SLCO3A1: variants seen among roughly 807,000 people sequenced by gnomAD.
The protein encoded by SLCO3A1 is PGE1 transporter.
In SLCO3A1, 27 loss-of-function variants were observed where a neutral mutation model predicts 63.1. The ratio of observed to expected loss-of-function variants is 0.43; its 90% CI spans 0.32 to 0.59. SLCO3A1 has a LOEUF of 0.59. Ranked by LOEUF, SLCO3A1 falls within the 20% of genes least tolerant of loss-of-function variation. SLCO3A1 has a pLI of 0.09. For synonymous variants in SLCO3A1, 473 were observed against 409.9 expected, an observed-to-expected ratio of 1.15 and a Z score of -1.86; for missense variants, 773 against 945.8, an observed-to-expected ratio of 0.82 and a Z score of 2.40.
At chr15:91,880,973 G>A (rs1162365793) in intron 1 of SLCO3A1, among the ~76,000 whole-genome samples, 2 of 152,300 alleles carry the variant, frequency 1.3e-5, no homozygotes, top group East Asian at 1.9e-4. Flanking sequence ...AGCAGAATGA[G>A]CCCAGAGAGC....
chr15:92,111,395 T>C (rs899978939), intron 4 of SLCO3A1, among the ~76,000 whole-genome samples: 5 of 152,230 alleles, frequency 3.3e-5, no homozygotes, highest in Non-Finnish European at 7.3e-5. Context: ...CACTTTTTTT[T>C]AATCATGCAC....
chr15:92,099,083 C>G (rs1281200372), intron 3 of SLCO3A1, among the ~76,000 whole-genome samples: 5 of 152,250 alleles, frequency 3.3e-5, no homozygotes, highest in African/African-American at 1.2e-4. Flanking sequence ...GCTGAGATGG[C>G]CTAGCCTCAC....
At chr15:91,891,306 C>T (rs939488763) in intron 1 of SLCO3A1, among the ~76,000 whole-genome samples, 1 of 152,202 alleles carries the variant, frequency 6.6e-6, no homozygotes, top group Non-Finnish European at 1.5e-5. Flanking sequence ...CTGAAGACAG[C>T]CACCTTGTCT....
chr15:92,021,641 A>G (rs1186914494), intron 2 of SLCO3A1, among the ~76,000 whole-genome samples: 1 of 152,108 alleles, frequency 6.6e-6, no homozygotes, highest in East Asian at 1.9e-4. Context: ...TTCATTTATC[A>G]TTCATGAGAG....
At chr15:92,013,590 A>G (rs958482020) in intron 2 of SLCO3A1, among the ~76,000 whole-genome samples, 3 of 152,224 alleles carry the variant, frequency 2.0e-5, no homozygotes, top group African/African-American at 7.2e-5. Context: ...TCAGCTGATG[A>G]CTTAAAGTAT....
intron 1 of SLCO3A1, among the ~76,000 whole-genome samples, chr15:91,908,293 CT>C (rs2151374761): frequency 6.7e-6 from 1 of 148,442 alleles, no homozygotes; most frequent in Non-Finnish European, 1.5e-5. Context: ...CCATATGATT[CT>C]TACTCTGCTT....
At chr15:92,108,778 C>T (rs2047694985) in intron 4 of SLCO3A1, among the ~76,000 whole-genome samples, 1 of 152,114 alleles carries the variant, frequency 6.6e-6, no homozygotes, top group African/African-American at 2.4e-5. Flanking sequence ...GCCCTTCTTC[C>T]TTCAGTTCAC....
intron 1 of SLCO3A1, among the ~76,000 whole-genome samples, chr15:91,899,990 T>C (rs1366043362): frequency 6.6e-6 from 1 of 152,262 alleles, no homozygotes; most frequent in Non-Finnish European, 1.5e-5. Context: ...ATTTAGTAGA[T>C]ACTGTATTTA....
chr15:92,056,357 CA>C (rs35482961), intron 2 of SLCO3A1, among the ~76,000 whole-genome samples: 98,981 of 151,438 alleles, frequency 0.65, 32,939 homozygotes, highest in Admixed American at 0.79. Context: ...TTTTCTGCTC[CA>C]AAAAAAAATG....
At chr15:92,119,248 A>G (rs2047831980) in intron 4 of SLCO3A1, among the ~76,000 whole-genome samples, 1 of 152,246 alleles carries the variant, frequency 6.6e-6, no homozygotes, top group African/African-American at 2.4e-5. Context: ...GATTTTTAAA[A>G]AATGAATCTC....
chr15:92,126,187 G>A lies in SLCO3A1; in HGVS notation c.1301G>A (p.Cys434Tyr), dbSNP rs2047920335. 2 of 1,613,916 alleles carry A rather than the reference G, an allele frequency of 1.2e-6. No individual in the cohort carries two copies. Among genetic ancestry groups the A allele is most frequent in the Non-Finnish European group, 1.7e-6 (2 of 1,180,018 alleles). The change falls in exon 6 of 10, where the codon TGC (cysteine) becomes TAC (tyrosine). Residue 434 changes from cysteine (C) to tyrosine (Y), a missense_variant. Physicochemically the swap from Cys to Tyr is radical, Grantham distance 194 (BLOSUM62 -2). This residue lies in a region of SLCO3A1 where 565 missense variants were observed against 749.8 expected (regional missense o/e 0.75). Coordinates refer to ENST00000318445, the MANE Select transcript of SLCO3A1 (RefSeq NM_013272.4). ...CTCGTCAACCTGGTGTCCACTGCTT[G>A]CTACGTCTCCTTCCTCTTCCTGGGC... is the stretch of plus-strand genomic sequence containing the variant. Reference protein sequence around the residue: ...AMLVNLVSTACYVSFLFLGCD... With the variant: ...AMLVNLVSTAYYVSFLFLGCD...
intron 2 of SLCO3A1, among the ~76,000 whole-genome samples, chr15:91,964,659 ATCTCTG>A (rs1303334781): frequency 3.9e-5 from 6 of 152,176 alleles, no homozygotes; most frequent in Admixed American, 2.0e-4. Context: ...GCTCCGTCCC[ATCTCTG>A]GTAGAGAAAG....
intron 9 of SLCO3A1, among the ~76,000 whole-genome samples, chr15:92,159,827 C>T (rs528485269): frequency 6.6e-6 from 1 of 152,118 alleles, no homozygotes; most frequent in Admixed American, 6.5e-5. Context: ...TATAAGAATT[C>T]TCACTCAGGT....
intron 2 of SLCO3A1, among the ~76,000 whole-genome samples, chr15:92,032,432 A>G (rs977793720): frequency 1.3e-5 from 2 of 152,148 alleles, no homozygotes; most frequent in Non-Finnish European, 2.9e-5. Flanking sequence ...GGCTAAGTGT[A>G]TAGGGTAATT....
At chr15:92,144,314 G>C (rs945791805) in intron 7 of SLCO3A1, among the ~76,000 whole-genome samples, 2 of 152,156 alleles carry the variant, frequency 1.3e-5, no homozygotes, top group African/African-American at 4.8e-5. Context: ...TTGACTTCAG[G>C]CTTGAATACC....
chr15:91,909,506 C>T (rs368291053), intron 1 of SLCO3A1, among the ~76,000 whole-genome samples: 21 of 152,154 alleles, frequency 1.4e-4, no homozygotes, highest in African/African-American at 3.6e-4. Context: ...AGGACCACAG[C>T]GAGATTGACA....
At chr15:92,130,756 G>A (rs533832040) in intron 7 of SLCO3A1, among the ~76,000 whole-genome samples, 1 of 152,174 alleles carries the variant, frequency 6.6e-6, no homozygotes, top group Non-Finnish European at 1.5e-5. Context: ...TGAGTGAAAA[G>A]CAATTTAAAT....
intron 2 of SLCO3A1, among the ~76,000 whole-genome samples, chr15:91,988,841 A>T (rs1036331183): frequency 2.0e-5 from 3 of 152,198 alleles, no homozygotes; most frequent in Non-Finnish European, 4.4e-5. Context: ...CAGTTAACGC[A>T]AGGACAGACC....
chr15:91,991,266 C>A (rs1364185733), intron 2 of SLCO3A1, among the ~76,000 whole-genome samples: 1 of 152,038 alleles, frequency 6.6e-6, no homozygotes, highest in African/African-American at 2.4e-5. Context: ...ACTCAGGAGG[C>A]TGAGGTGGGG....
Sources: allele counts gnomAD v4.1 joint callset (sites outside exome capture counted in the v4.1 genomes callset), GRCh38; gene constraint gnomAD v4.1.1; regional missense constraint gnomAD v4.1.1; transcripts MANE v1.5; gene names NCBI Gene and HGNC (gene_info 2026-07-23, HGNC 2026-07-21).